Variants in ITGBL1 observed in about 807,000 individuals in gnomAD.
The protein encoded by ITGBL1 is integrin beta-like protein 1.
In ITGBL1, 51 loss-of-function variants were observed where a neutral mutation model predicts 68.5. That is an observed-to-expected ratio of 0.74 (90% CI 0.59 to 0.94). ITGBL1 has a LOEUF of 0.94. Among genes scored for constraint, ITGBL1 ranks in the 40% least tolerant of loss-of-function variants. The probability of loss-of-function intolerance (pLI) is 0.00; values close to 1 mark genes in which losing one functional copy is unlikely to be tolerated. For synonymous variants in ITGBL1, 209 were observed against 227.3 expected (o/e 0.92, Z 0.72); for missense variants, 649 against 647.4 (o/e 1.00, Z -0.03).
chr13:101,483,382 G>C (rs962086340), intron 2 of ITGBL1, among the ~76,000 whole-genome samples: 3 of 152,210 alleles, frequency 2.0e-5, no homozygotes, highest in African/African-American at 7.2e-5. Flanking sequence ...AGAAGATGTA[G>C]AATATCATTG....
At chr13:101,543,415 G>C (rs569890155) in intron 2 of ITGBL1, among the ~76,000 whole-genome samples, 1 of 152,136 alleles carries the variant, frequency 6.6e-6, no homozygotes, top group Non-Finnish European at 1.5e-5. Context: ...TAGAGTTTCT[G>C]CCGAGAGATC....
intron 6 of ITGBL1, among the ~76,000 whole-genome samples, chr13:101,595,190 G>A (rs1023094215): frequency 1.1e-4 from 17 of 152,158 alleles, no homozygotes; most frequent in Non-Finnish European, 1.8e-4. Context: ...GAGGTCTCAG[G>A]AAGCTTCTGA....
intron 2 of ITGBL1, among the ~76,000 whole-genome samples, chr13:101,464,750 AAGTATGT>A (rs2048361127): frequency 6.6e-6 from 1 of 152,162 alleles, no homozygotes; most frequent in African/African-American, 2.4e-5. Context: ...GTGAATATGT[AAGTATGT>A]GCACAAACAT....
At chr13:101,612,083 T>C (rs2031155183) in intron 7 of ITGBL1, among the ~76,000 whole-genome samples, 1 of 152,332 alleles carries the variant, frequency 6.6e-6, no homozygotes, top group South Asian at 2.1e-4. Context: ...CATAAATATT[T>C]ATTTTTCATG....
rs369818869 is a variant in ITGBL1, at chr13:101,567,724, G to A, written c.342G>A (p.Lys114=). 6.2e-7 allele frequency: 1 copy of A among 1,613,334 alleles called. No individual in the cohort carries two copies. The highest frequency in any genetic ancestry group is 1.1e-5 in the South Asian group (1 of 91,040). The change falls in exon 3 of 11, where the codon AAG becomes AAA. Residue 114 remains lysine (K), a synonymous_variant. Transcript: ENST00000376180. ...CAGHGKCDCG[K]CKCDQGWYGD... Reference sequence around the variant, plus strand: ...GCCATGGTAAGTGTGACTGTGGCAAGTGCAAGTGTGACCAGGGATGGTATG... The same window carrying A: ...GCCATGGTAAGTGTGACTGTGGCAAATGCAAGTGTGACCAGGGATGGTATG...
At chr13:101,498,133 CT>C (rs747281706) in intron 2 of ITGBL1, among the ~76,000 whole-genome samples, 1 of 151,680 alleles carries the variant, frequency 6.6e-6, no homozygotes, top group Non-Finnish European at 1.5e-5. Flanking sequence ...TGCACTTTTT[CT>C]TTTTTTTAAA....
chr13:101,647,301 CA>C (rs1286858481), intron 7 of ITGBL1, among the ~76,000 whole-genome samples: 3 of 152,044 alleles, frequency 2.0e-5, no homozygotes, highest in Non-Finnish European at 4.4e-5. Context: ...TTTTCATTTT[CA>C]AAACCATCTA....
At position 101,596,030 on chromosome 13, in the gene ITGBL1, C is replaced by T. The variant is rs1028872005; in HGVS notation, c.869-2123C>T. On this transcript the variant is annotated intron_variant, in intron 6 of 10. Transcript: ENST00000376180. ...TTTTGATATGCATATGCATAATATG[C>T]ATATATTTACATATGTGTGTGTGTG... is the stretch of plus-strand genomic sequence containing the variant. Among the ~76,000 whole-genome samples, 44 of 121,774 alleles carry T rather than the reference C, an allele frequency of 3.6e-4. No individual in the cohort carries two copies. The Admixed American group carries it at 4.0e-3, about 11-fold the overall frequency. 79.9% of individuals were successfully genotyped at this position (121,774 alleles called of 152,430 possible). A position where few individuals can be genotyped will look rare whatever the true frequency, so the allele number is the denominator to read the frequency against.
intron 2 of ITGBL1, among the ~76,000 whole-genome samples, chr13:101,554,059 C>T (rs1228090554): frequency 1.3e-5 from 2 of 152,118 alleles, no homozygotes; most frequent in African/African-American, 4.8e-5. Flanking sequence ...CAGGCATGAG[C>T]CCCCGCTGTG....
intron 7 of ITGBL1, among the ~76,000 whole-genome samples, chr13:101,686,436 G>A (rs1297283342): frequency 6.6e-6 from 1 of 152,142 alleles, no homozygotes; most frequent in Non-Finnish European, 1.5e-5. Context: ...TATAGGTGAG[G>A]TCTGGAAGGA....
chr13:101,481,530 A>T (rs2048624598), intron 2 of ITGBL1, among the ~76,000 whole-genome samples: 1 of 151,920 alleles, frequency 6.6e-6, no homozygotes, highest in African/African-American at 2.4e-5. Context: ...TCTGGCTCTC[A>T]AATATTGCAA....
chr13:101,471,124 T>C (rs2048450903), intron 2 of ITGBL1, among the ~76,000 whole-genome samples: 1 of 152,194 alleles, frequency 6.6e-6, no homozygotes, highest in African/African-American at 2.4e-5. Flanking sequence ...TAATCTACCA[T>C]AATTAAATGT....
rs117102982 is a variant in ITGBL1, at chr13:101,595,315, C to T, written c.869-2838C>T. 8.6e-3 allele frequency among the ~76,000 whole-genome samples: 1,303 copies of T among 152,108 alleles called. 1 individual carries two copies. Among genetic ancestry groups the T allele is most frequent in the Middle Eastern group, 0.017 (5 of 294 alleles). ...CACTCTTTTAAACAATCAGATCTTA[C>T]GTGAACTACCAGAGCAGGAACTCCC... On this transcript the variant is annotated intron_variant, in intron 6 of 10. Transcript: ENST00000376180.
At chr13:101,578,461 A>C (rs1199452526) in intron 4 of ITGBL1, among the ~76,000 whole-genome samples, 2 of 152,208 alleles carry the variant, frequency 1.3e-5, no homozygotes, top group Admixed American at 1.3e-4. Flanking sequence ...AGAGTATAAG[A>C]AGTAAAATTT....
Position 101,579,368 on chromosome 13 carries a change from C to G in ITGBL1, c.668C>G (p.Thr223Ser). ...GDKCEFQCDITPWESKRRCTS... is the reference protein window; with the variant it reads ...GDKCEFQCDISPWESKRRCTS... Reference sequence around the variant, plus strand: ...AAATGTGAATTCCAGTGCGATATCACCCCCTGGGAAAGCAAGCGAAGATGC... The same window carrying G: ...AAATGTGAATTCCAGTGCGATATCAGCCCCTGGGAAAGCAAGCGAAGATGC... Residue 223 changes from threonine to serine, a missense_variant, in exon 5 of 11, where the codon ACC (threonine) becomes AGC (serine). Physicochemically the swap from Thr to Ser is moderately conservative, Grantham distance 58. Coordinates refer to ENST00000376180, the MANE Select transcript of ITGBL1 (RefSeq NM_004791.3). 1 of 1,613,874 alleles carries G rather than the reference C, an allele frequency of 6.2e-7. No homozygotes were observed. Among genetic ancestry groups the G allele is most frequent in the South Asian group, 1.1e-5 (1 of 91,084 alleles).
chr13:101,709,095 G>T (rs1187932390), intron 9 of ITGBL1, among the ~76,000 whole-genome samples: 2 of 152,154 alleles, frequency 1.3e-5, no homozygotes, highest in Non-Finnish European at 2.9e-5. Flanking sequence ...GCCGGGCGCG[G>T]TGGCTCACGC....
intron 2 of ITGBL1, among the ~76,000 whole-genome samples, chr13:101,558,238 CACTT>C (rs1420616642): frequency 6.6e-6 from 1 of 151,822 alleles, no homozygotes; most frequent in Admixed American, 6.6e-5. Flanking sequence ...TGCATGTTCT[CACTT>C]ACAAGAGAAT....
intron 5 of ITGBL1, among the ~76,000 whole-genome samples, chr13:101,580,917 G>A (rs994100798): frequency 9.2e-5 from 14 of 152,226 alleles, no homozygotes; most frequent in Admixed American, 5.9e-4. Context: ...TATGGCAGAG[G>A]CAGAATGGGA....
At chr13:101,537,392 A>G (rs1246530256) in intron 2 of ITGBL1, among the ~76,000 whole-genome samples, 5 of 152,042 alleles carry the variant, frequency 3.3e-5, no homozygotes, top group East Asian at 1.9e-4. Flanking sequence ...ATTTTATATG[A>G]AACTTAATCT....
Sources: gnomAD v4.1 joint callset for allele counts (sites outside exome capture counted in the v4.1 genomes callset) on GRCh38, gnomAD v4.1.1 for gene constraint, MANE v1.5 for transcripts, NCBI Gene and HGNC (gene_info 2026-07-23, HGNC 2026-07-21) for gene names.